LYAR: variants seen among roughly 807,000 people sequenced by gnomAD.
LYAR encodes the protein Ly1 antibody reactive.
A neutral mutation model predicts 45.2 loss-of-function variants in LYAR; 37 were observed. The ratio of observed to expected loss-of-function variants is 0.82; its 90% CI spans 0.63 to 1.08. The LOEUF is 1.08. LYAR is among the 50% of genes least tolerant of loss of function. The pLI, the probability that LYAR is intolerant of heterozygous loss-of-function variation, is 0.00. For missense variants in LYAR, 493 were observed against 451.0 expected, an observed-to-expected ratio of 1.09 and a Z score of -0.84; for synonymous variants, 176 against 155.1, an observed-to-expected ratio of 1.14 and a Z score of -1.00.
intron 7 of LYAR, 114 bp downstream of exon 7, chr4:4,274,253 A>T: frequency 8.2e-7 from 1 of 1,224,288 alleles, no homozygotes; most frequent in Non-Finnish European, 1.1e-6. Context: ...AACAAAAAAA[A>T]AAAAAACCAC....
At chr4:4,281,410 C>G (rs1416003515) in intron 4 of LYAR, among the ~76,000 whole-genome samples, 1 of 152,060 alleles carries the variant, frequency 6.6e-6, no homozygotes, top group Non-Finnish European at 1.5e-5. Context: ...ACCTCTGCCT[C>G]CTGGCTTCAA....
At chr4:4,283,861 C>G (rs4688929) in intron 2 of LYAR, 66 bp from the exon 3 acceptor site, 229,950 of 685,266 alleles carry the variant, frequency 0.34, 41,131 homozygotes, top group East Asian at 0.53. Context: ...GGCTCATGCC[C>G]CTAACTTTTC....
At chr4:4,274,795 CA>C in intron 6 of LYAR, 26 bp from the exon 7 acceptor site, 1 of 1,569,366 alleles carries the variant, frequency 6.4e-7, no homozygotes, top group Non-Finnish European at 8.6e-7. Flanking sequence ...AAGCAAGAAA[CA>C]CATATTCATT....
chr4:4,274,625 T>G lies in LYAR; in HGVS notation c.574A>C (p.Lys192Gln). ...TTCCTTTTCTTCTGCCGTTCTTCCT[T>G]TCTTTCTCTTTTATTCTTCTTCACC... ...GEVKKNKRER[K>Q]EERQKKRKRE... Residue 192 changes from lysine to glutamine, a missense_variant, in exon 7 of 10, where the codon AAG becomes CAG. By Grantham distance (53) the Lys-to-Gln change is moderately conservative. Transcript: ENST00000343470. 6.2e-7 allele frequency: 1 copy of G among 1,614,130 alleles called. No homozygotes were observed. The highest frequency in any genetic ancestry group is 1.1e-5 in the South Asian group (1 of 91,038).
intron 3 of LYAR, among the ~76,000 whole-genome samples, chr4:4,283,102 C>G: frequency 6.6e-6 from 1 of 152,196 alleles, no homozygotes; most frequent in East Asian, 1.9e-4. Context: ...TCCCCTTCCC[C>G]TAGTCTTTTC....
At chr4:4,274,801 T>C (rs1438268773) in intron 6 of LYAR, 32 bp from the exon 7 acceptor site, 2 of 1,565,054 alleles carry the variant, frequency 1.3e-6, no homozygotes, top group Non-Finnish European at 1.7e-6. Context: ...GAAACACATA[T>C]TCATTTTAAA....
At chr4:4,273,471 C>G (rs191805942) in intron 8 of LYAR, 112 bp downstream of exon 8, 1 of 714,416 alleles carries the variant, frequency 1.4e-6, no homozygotes, top group Non-Finnish European at 2.4e-6. Flanking sequence ...TCACTACAGC[C>G]TCACACTCCT....
At chr4:4,283,570 C>A in intron 3 of LYAR, 51 bp downstream of exon 3, 1 of 1,565,962 alleles carries the variant, frequency 6.4e-7, no homozygotes, top group Admixed American at 1.9e-5. Flanking sequence ...CCAAGGCTTC[C>A]AAAACTGATC....
intron 8 of LYAR, among the ~76,000 whole-genome samples, chr4:4,269,515 GC>G (rs1436427190): frequency 2.6e-5 from 4 of 152,166 alleles, no homozygotes; most frequent in Non-Finnish European, 5.9e-5. Context: ...TCATGAGGCT[GC>G]CCCTGCTGTG....
At chr4:4,275,272 A>C (rs1393005040) in intron 6 of LYAR, among the ~76,000 whole-genome samples, 2 of 152,226 alleles carry the variant, frequency 1.3e-5, no homozygotes, top group Non-Finnish European at 2.9e-5. Flanking sequence ...GGATGAAACG[A>C]GGAAAGATCC....
At chr4:4,286,896 C>T (rs922689859) in intron 1 of LYAR, among the ~76,000 whole-genome samples, 3 of 126,262 alleles carry the variant, frequency 2.4e-5, no homozygotes, top group African/African-American at 1.0e-4. Context: ...CGTGATCCGC[C>T]TGCCTCGGCC....
At chr4:4,276,674 T>C (rs1417233230) in intron 6 of LYAR, among the ~76,000 whole-genome samples, 1 of 151,974 alleles carries the variant, frequency 6.6e-6, no homozygotes, top group African/African-American at 2.4e-5. Context: ...CTGGCCAACA[T>C]GGTGAAACCC....
chr4:4,285,185 G>A (rs1056309188), intron 2 of LYAR, among the ~76,000 whole-genome samples: 1 of 152,120 alleles, frequency 6.6e-6, no homozygotes, highest in Admixed American at 6.5e-5. Context: ...CTGATTCCGC[G>A]GTCCCAGGCC....
Position 4,279,548 on chromosome 4 carries a change from A to G in LYAR, c.346-18T>C. 6.3e-7 allele frequency: 1 copy of G among 1,591,762 alleles called. No homozygotes were observed. Among genetic ancestry groups the G allele is most frequent in the Non-Finnish European group, 8.6e-7 (1 of 1,160,048 alleles). ...ATCCAATTCTGTAAGAAAGAAAAAG[A>G]AAAAGAACTATTGATCCCACTTGGA... On this transcript the variant is annotated intron_variant, in intron 5 of 9. Coordinates refer to ENST00000343470, the MANE Select transcript of LYAR (RefSeq NM_017816.3).
At chr4:4,276,952 C>A (rs555922493) in intron 6 of LYAR, among the ~76,000 whole-genome samples, 2 of 152,268 alleles carry the variant, frequency 1.3e-5, no homozygotes, top group Admixed American at 1.3e-4. Flanking sequence ...GGGTAAAGGG[C>A]AGAGGAGGAT....
At chr4:4,268,859 T>C (rs973340571) in intron 8 of LYAR, 24 of 394,094 alleles carry the variant, frequency 6.1e-5, no homozygotes, top group African/African-American at 8.2e-5. Flanking sequence ...AACTCCTAGA[T>C]AGAGTTGTAT....
At chr4:4,286,812 T>A (rs11732489) in intron 1 of LYAR, among the ~76,000 whole-genome samples, 59,115 of 151,608 alleles carry the variant, frequency 0.39, 12,399 homozygotes, top group East Asian at 0.55. Flanking sequence ...ACGCCCAGCT[T>A]ATTTTTTGTA....
At chr4:4,282,954 T>A (rs2916441) in intron 3 of LYAR, among the ~76,000 whole-genome samples, 2 of 152,062 alleles carry the variant, frequency 1.3e-5, no homozygotes, top group African/African-American at 4.8e-5. Flanking sequence ...GATGGGCATG[T>A]GATACCCATG....
At chr4:4,269,852 A>C (rs1438629239) in intron 8 of LYAR, among the ~76,000 whole-genome samples, 1 of 152,260 alleles carries the variant, frequency 6.6e-6, no homozygotes, top group Non-Finnish European at 1.5e-5. Context: ...ACACACACGT[A>C]AACTATGTGA....
Sources: gnomAD v4.1 joint callset for allele counts (sites outside exome capture counted in the v4.1 genomes callset) on GRCh38, gnomAD v4.1.1 for gene constraint, MANE v1.5 for transcripts, NCBI Gene and HGNC (gene_info 2026-07-23, HGNC 2026-07-21) for gene names.